The following PRKD1 variants were observed in gnomAD, a reference collection of about 807,000 sequenced individuals.
The protein encoded by PRKD1 is protein kinase D1, also known as serine/threonine-protein kinase D1.
A neutral mutation model predicts 95.9 loss-of-function variants in PRKD1; 63 were observed. The observed-to-expected ratio is 0.66, with a 90% CI of 0.54 to 0.81. The LOEUF is 0.81. PRKD1 is among the 30% of genes least tolerant of loss of function. The probability of loss-of-function intolerance (pLI) is 0.00; values close to 1 mark genes in which losing one functional copy is unlikely to be tolerated. For synonymous variants in PRKD1, 425 were observed against 423.1 expected (o/e 1.00, Z -0.05); for missense variants, 1,048 against 1,165.3 (o/e 0.90, Z 1.47).
chr14:29,790,729 G>A (rs1430683452), intron 1 of PRKD1, among the ~76,000 whole-genome samples: 1 of 152,164 alleles, frequency 6.6e-6, no homozygotes, highest in Non-Finnish European at 1.5e-5. Context: ...ATTAGATTAT[G>A]ACGATATTTT....
At chr14:29,648,443 G>C (rs1881275360) in intron 4 of PRKD1, among the ~76,000 whole-genome samples, 2 of 152,096 alleles carry the variant, frequency 1.3e-5, no homozygotes, top group Non-Finnish European at 2.9e-5. Context: ...CAGGAGGCAA[G>C]GGAGAATTAG....
At chr14:29,609,165 T>G (rs1435251981) in intron 13 of PRKD1, among the ~76,000 whole-genome samples, 2 of 152,196 alleles carry the variant, frequency 1.3e-5, no homozygotes, top group South Asian at 2.1e-4. Flanking sequence ...GGAACTAGAG[T>G]ATAATTATAC....
chr14:29,744,677 G>T (rs1320442009), intron 1 of PRKD1, among the ~76,000 whole-genome samples: 1 of 152,140 alleles, frequency 6.6e-6, no homozygotes, highest in Non-Finnish European at 1.5e-5. Flanking sequence ...CTCCCGAGTA[G>T]TTGGGATTAC....
In PRKD1 at chr14:29,632,954, A is replaced by G. The variant is rs74503963; in HGVS notation, c.1315-8T>C. ...CCAATAGTGCCGTTTCCGCTGAAAC[A>G]GAAGTTAGATCCAAGATCTTTTTAA... On this transcript the variant is annotated splice_region_variant and splice_polypyrimidine_tract_variant and intron_variant, in intron 8 of 17. Transcript: ENST00000331968. The G allele has an allele frequency of 8.7e-3, 13,961 of 1,608,510 alleles. 83 individuals carry two copies. Among genetic ancestry groups the G allele is most frequent in the Non-Finnish European group, 0.011 (12,550 of 1,174,996 alleles).
chr14:29,781,993 A>C (rs961747207), intron 1 of PRKD1, among the ~76,000 whole-genome samples: 1 of 152,212 alleles, frequency 6.6e-6, no homozygotes, highest in Admixed American at 6.5e-5. Flanking sequence ...CTTGTCAAGA[A>C]TATCCATATT....
At chr14:29,820,230 A>T (rs1312753891) in intron 1 of PRKD1, among the ~76,000 whole-genome samples, 1 of 152,218 alleles carries the variant, frequency 6.6e-6, no homozygotes, top group East Asian at 1.9e-4. Flanking sequence ...GACTCAGTGA[A>T]TATTTATTTA....
intron 4 of PRKD1, among the ~76,000 whole-genome samples, chr14:29,648,231 A>G (rs1248701905): frequency 6.6e-6 from 1 of 152,138 alleles, no homozygotes; most frequent in Non-Finnish European, 1.5e-5. Flanking sequence ...TCAATTCTTT[A>G]ACTTTTCTAC....
At chr14:29,782,113 G>A (rs967896973) in intron 1 of PRKD1, among the ~76,000 whole-genome samples, 3 of 152,124 alleles carry the variant, frequency 2.0e-5, no homozygotes, top group Admixed American at 1.3e-4. Flanking sequence ...GCTCAGTTCG[G>A]TTGAAGACTG....
At chr14:29,893,580 T>C (rs1193129271) in intron 1 of PRKD1, among the ~76,000 whole-genome samples, 1 of 152,194 alleles carries the variant, frequency 6.6e-6, no homozygotes, top group African/African-American at 2.4e-5. Context: ...ATAATAAGCA[T>C]ATGTAATGAA....
chr14:29,901,213 T>G (rs1894307025), intron 1 of PRKD1, among the ~76,000 whole-genome samples: 1 of 152,182 alleles, frequency 6.6e-6, no homozygotes, highest in South Asian at 2.1e-4. Flanking sequence ...TAGAGGTAAT[T>G]ATCCTAGGCA....
At chr14:29,863,954 C>G (rs1309376569) in intron 1 of PRKD1, among the ~76,000 whole-genome samples, 1 of 151,972 alleles carries the variant, frequency 6.6e-6, no homozygotes, top group Non-Finnish European at 1.5e-5. Context: ...TGGTGAAGAA[C>G]AGCTAAAATA....
chr14:29,778,789 GA>G (rs1421452023), intron 1 of PRKD1, among the ~76,000 whole-genome samples: 1 of 152,150 alleles, frequency 6.6e-6, no homozygotes, highest in Non-Finnish European at 1.5e-5. Context: ...CTCATTTTAT[GA>G]GGCCAGCATC....
At chr14:29,788,911 A>C (rs1566602276) in intron 1 of PRKD1, among the ~76,000 whole-genome samples, 1 of 151,758 alleles carries the variant, frequency 6.6e-6, no homozygotes, top group Admixed American at 6.6e-5. Flanking sequence ...TTTTGAGACA[A>C]GATCTCACTC....
Position 29,663,678 on chromosome 14 carries a change from TG to T in PRKD1, c.696+20del. On this transcript the variant is annotated intron_variant, in intron 4 of 17. Transcript: ENST00000331968. ...CAGATTTCTCATGTAAATGGGGAAG[TG>T]GGTAAACAGGAAGCCATACCAGAAG... The T allele has an allele frequency of 6.2e-7, 1 of 1,608,968 alleles. No homozygotes were observed. The highest frequency in any genetic ancestry group is 8.5e-7 in the Non-Finnish European group (1 of 1,175,920).
At chr14:29,816,126 A>G (rs551596941) in intron 1 of PRKD1, among the ~76,000 whole-genome samples, 1 of 152,270 alleles carries the variant, frequency 6.6e-6, no homozygotes, top group East Asian at 1.9e-4. Context: ...ACTGAGGCAG[A>G]AGAGTCACTT....
intron 1 of PRKD1, among the ~76,000 whole-genome samples, chr14:29,860,503 A>G (rs1344440021): frequency 6.6e-6 from 1 of 152,204 alleles, no homozygotes; most frequent in African/African-American, 2.4e-5. Context: ...GAAACACTAC[A>G]TTGAGATATC....
At chr14:29,866,172 C>T (rs988341005) in intron 1 of PRKD1, among the ~76,000 whole-genome samples, 13 of 151,570 alleles carry the variant, frequency 8.6e-5, no homozygotes, top group African/African-American at 2.4e-5. Context: ...AGCTATATTG[C>T]TGATATTTCA....
intron 1 of PRKD1, chr14:29,811,796 A>G (rs1478708705): frequency 6.6e-6 from 1 of 152,232 alleles, no homozygotes; most frequent in Non-Finnish European, 1.5e-5. Context: ...CTTATAAAAC[A>G]TAAATACAAA....
In PRKD1 at chr14:29,578,262, G is replaced by T; in HGVS notation, c.2520+13C>A. Reference sequence around the variant, plus strand: ...GCTCATTCAACTAAGAAAACTCAGTGATTATTGTTTACCTGTAGCCAAGGG... The same window carrying T: ...GCTCATTCAACTAAGAAAACTCAGTTATTATTGTTTACCTGTAGCCAAGGG... On this transcript the variant is annotated intron_variant, in intron 17 of 17. Transcript: ENST00000331968. 6.4e-7 allele frequency: 1 copy of T among 1,571,918 alleles called. No individual in the cohort carries two copies.
Sources: allele counts gnomAD v4.1 joint callset (sites outside exome capture counted in the v4.1 genomes callset), GRCh38; gene constraint gnomAD v4.1.1; transcripts MANE v1.5; gene names NCBI Gene and HGNC (gene_info 2026-07-23, HGNC 2026-07-21).